MAN1A1: variants seen among roughly 807,000 people sequenced by gnomAD.
MAN1A1 encodes mannosidase alpha class 1A member 1, also known as mannosyl-oligosaccharide 1,2-alpha-mannosidase IA.
A neutral mutation model predicts 70.8 loss-of-function variants in MAN1A1; 29 were observed. The ratio of observed to expected loss-of-function variants is 0.41; its 90% CI spans 0.31 to 0.56. The LOEUF is 0.56. MAN1A1 is among the 20% of genes least tolerant of loss of function. The probability of loss-of-function intolerance (pLI) is 0.29; values close to 1 mark genes in which losing one functional copy is unlikely to be tolerated. For missense variants in MAN1A1, 747 were observed against 841.3 expected (o/e 0.89, Z 1.39); for synonymous variants, 349 against 330.1 (o/e 1.06, Z -0.62).
rs118012776 is a variant in MAN1A1, at chr6:119,273,229, G to T, written c.897+17454C>A. 7.4e-4 allele frequency among the ~76,000 whole-genome samples: 113 copies of T among 152,214 alleles called. 2 individuals carry two copies. The East Asian group carries it at 0.02, about 28-fold the overall frequency. On this transcript the variant is annotated intron_variant, in intron 5 of 12. Transcript: ENST00000368468. The stretch of plus-strand genomic sequence containing the variant: ...TGATCAAAAGAATATTACAAGTTCA[G>T]TATGGAAATTCAGATGAGTACAGAA...
Position 119,321,673 on chromosome 6 carries a change from A to G in MAN1A1, c.604-14681T>C, listed in dbSNP as rs145130936. 4.1e-3 allele frequency among the ~76,000 whole-genome samples: 606 copies of G among 148,698 alleles called. 2 individuals are homozygous for G. The highest frequency in any genetic ancestry group is 0.014 in the African/African-American group (577 of 40,020). On this transcript the variant is annotated intron_variant, in intron 2 of 12. Coordinates refer to ENST00000368468, the MANE Select transcript of MAN1A1 (RefSeq NM_005907.4). ...TGCTCTGTCTCCCAGGCTGGAGTAC[A>G]GTGGCACAATCTCAGCTCACCGCAG...
intron 5 of MAN1A1, among the ~76,000 whole-genome samples, chr6:119,270,466 C>T (rs772743425): frequency 6.6e-6 from 1 of 152,110 alleles, no homozygotes; most frequent in Non-Finnish European, 1.5e-5. Flanking sequence ...AATTTTAGAA[C>T]ATTATCATCA....
intron 9 of MAN1A1, among the ~76,000 whole-genome samples, chr6:119,190,548 G>A (rs1359061939): frequency 6.6e-6 from 1 of 152,198 alleles, no homozygotes; most frequent in African/African-American, 2.4e-5. Context: ...AGTCACTAAT[G>A]CAAGTGGCAC....
At chr6:119,297,724 T>C (rs116685600) in intron 4 of MAN1A1, among the ~76,000 whole-genome samples, 5,556 of 142,924 alleles carry the variant, frequency 0.039, 326 homozygotes, top group African/African-American at 0.12. Context: ...CACATATTAC[T>C]AAATAGTTTC....
intron 10 of MAN1A1, among the ~76,000 whole-genome samples, chr6:119,189,214 G>A (rs1039667365): frequency 3.3e-5 from 5 of 152,142 alleles, no homozygotes; most frequent in Non-Finnish European, 7.3e-5. Flanking sequence ...AAACTTAGTG[G>A]TTGACAATCC....
At chr6:119,301,849 A>T in intron 4 of MAN1A1, 139 bp downstream of exon 4, 1 of 569,348 alleles carries the variant, frequency 1.8e-6, no homozygotes, top group East Asian at 2.8e-5. Flanking sequence ...AATATAGTAT[A>T]AGATAATAGT....
In MAN1A1 at chr6:119,332,285, G is replaced by A. The variant is rs186230904; in HGVS notation, c.603+16178C>T. Among the ~76,000 whole-genome samples the A allele has an allele frequency of 1.4e-3, 218 of 152,058 alleles. 1 individual carries two copies. Among genetic ancestry groups the A allele is most frequent in the Non-Finnish European group, 5.6e-4 (38 of 67,986 alleles). ...TTATATATAATAACACTAACTGATG[G>A]TATAAAATCAATTAAGGAGCCACTC... On this transcript the variant is annotated intron_variant, in intron 2 of 12. Coordinates refer to ENST00000368468, the MANE Select transcript of MAN1A1 (RefSeq NM_005907.4).
chr6:119,282,093 A>G (rs952205358), intron 5 of MAN1A1, among the ~76,000 whole-genome samples: 3 of 152,092 alleles, frequency 2.0e-5, no homozygotes, highest in Non-Finnish European at 2.9e-5. Context: ...AAAACAAAAC[A>G]AAACAACTGA....
rs775278850 is a variant in MAN1A1 at position 119,179,964 on chromosome 6, G to C, written c.1836-19C>G. On this transcript the variant is annotated intron_variant, in intron 12 of 12. Coordinates refer to ENST00000368468, the MANE Select transcript of MAN1A1 (RefSeq NM_005907.4). ...CAAATATCTGGTGAGAGAAACATAA[G>C]TATATGAGGCCCAAGACACTAGGCA... The C allele has an allele frequency of 1.2e-6, 2 of 1,612,234 alleles. No homozygotes were observed. The highest frequency in any genetic ancestry group is 2.2e-5 in the South Asian group (2 of 90,986).
In MAN1A1 at chr6:119,253,928, G is replaced by T. The variant is rs894874301; in HGVS notation, c.898-5574C>A. Among the ~76,000 whole-genome samples the T allele has an allele frequency of 1.1e-4, 17 of 152,230 alleles. 2 individuals are homozygous for T. In the South Asian group the frequency reaches 3.5e-3, roughly 32 times the overall value. Reference sequence around the variant, plus strand: ...TATTTTTAGATAAAAATATTAATTAGCTCATTGATACTTGAGTCAAATCAT... The same window carrying T: ...TATTTTTAGATAAAAATATTAATTATCTCATTGATACTTGAGTCAAATCAT... On this transcript the variant is annotated intron_variant, in intron 5 of 12. Coordinates refer to ENST00000368468, the MANE Select transcript of MAN1A1 (RefSeq NM_005907.4).
intron 6 of MAN1A1, among the ~76,000 whole-genome samples, chr6:119,246,515 G>A (rs917779047): frequency 1.3e-5 from 2 of 152,146 alleles, no homozygotes; most frequent in African/African-American, 2.4e-5. Context: ...AGCCAAGAGA[G>A]TTTAAATGAC....
At chr6:119,221,532 G>A (rs1475430359) in intron 6 of MAN1A1, among the ~76,000 whole-genome samples, 3 of 149,742 alleles carry the variant, frequency 2.0e-5, no homozygotes, top group Non-Finnish European at 4.4e-5. Context: ...GATTGCAGTG[G>A]CACAATCTTG....
chr6:119,182,827 A>C (rs1277598661), intron 11 of MAN1A1, among the ~76,000 whole-genome samples: 1 of 152,074 alleles, frequency 6.6e-6, no homozygotes, highest in African/African-American at 2.4e-5. Flanking sequence ...CTTACGTTTC[A>C]GTTTTCCCCT....
At chr6:119,346,913 G>A (rs554305783) in intron 2 of MAN1A1, among the ~76,000 whole-genome samples, 1 of 152,190 alleles carries the variant, frequency 6.6e-6, no homozygotes, top group Non-Finnish European at 1.5e-5. Flanking sequence ...TATTATTAAG[G>A]AGTCTGGGAG....
Position 119,179,794 on chromosome 6 carries a change from G to A in MAN1A1, c.*25C>T. 1 of 1,599,168 alleles carries A rather than the reference G, an allele frequency of 6.3e-7. No individual in the cohort carries two copies. Among genetic ancestry groups the A allele is most frequent in the Non-Finnish European group, 8.6e-7 (1 of 1,167,540 alleles). Reference sequence around the variant, plus strand: ...TAAGGTATACAGTGAAGGGAATGGAGCAGAATAAAATATAAAATGTCTTTT... The same window carrying A: ...TAAGGTATACAGTGAAGGGAATGGAACAGAATAAAATATAAAATGTCTTTT... On this transcript the variant is annotated 3_prime_UTR_variant, in exon 13 of 13. Coordinates refer to ENST00000368468, the MANE Select transcript of MAN1A1 (RefSeq NM_005907.4).
At chr6:119,262,390 G>A (rs542579832) in intron 5 of MAN1A1, among the ~76,000 whole-genome samples, 181 of 151,916 alleles carry the variant, frequency 1.2e-3, no homozygotes, top group African/African-American at 4.1e-3. Flanking sequence ...GGTCAACATG[G>A]ATCTTTAAGG....
At chr6:119,220,828 G>C (rs1471404287) in intron 6 of MAN1A1, among the ~76,000 whole-genome samples, 1 of 152,028 alleles carries the variant, frequency 6.6e-6, no homozygotes, top group Non-Finnish European at 1.5e-5. Flanking sequence ...GAGCCAAGGA[G>C]AGCAAAGGAA....
At chr6:119,190,789 G>A (rs1773420398) in intron 9 of MAN1A1, among the ~76,000 whole-genome samples, 1 of 151,998 alleles carries the variant, frequency 6.6e-6, no homozygotes, top group African/African-American at 2.4e-5. Context: ...TCTTAAACTA[G>A]ACAGGTAAGT....
intron 6 of MAN1A1, among the ~76,000 whole-genome samples, chr6:119,210,332 T>C (rs1774012924): frequency 1.3e-5 from 2 of 152,188 alleles, no homozygotes; most frequent in East Asian, 3.8e-4. Flanking sequence ...GTTGGGATAT[T>C]CTATCAATAG....
Sources: allele counts gnomAD v4.1 joint callset (sites outside exome capture counted in the v4.1 genomes callset), GRCh38; gene constraint gnomAD v4.1.1; transcripts MANE v1.5; gene names NCBI Gene and HGNC (gene_info 2026-07-23, HGNC 2026-07-21).